The following UBE2W variants were observed in gnomAD, a reference collection of about 807,000 sequenced individuals.
UBE2W encodes ubiquitin conjugating enzyme E2 W.
Under a neutral mutation model 27.2 loss-of-function variants are expected in UBE2W, and 18 were observed. The observed-to-expected ratio is 0.66, with a 90% CI of 0.46 to 0.98. The LOEUF is 0.98. UBE2W is among the 50% of genes least tolerant of loss of function. UBE2W has a pLI of 0.00. For missense variants in UBE2W, 90 were observed against 180.2 expected, an observed-to-expected ratio of 0.50 and a Z score of 2.87; for synonymous variants, 53 against 57.2, an observed-to-expected ratio of 0.93 and a Z score of 0.33.
At chr8:73,868,623 G>A (rs1226181540) in intron 1 of UBE2W, among the ~76,000 whole-genome samples, 1 of 151,560 alleles carries the variant, frequency 6.6e-6, no homozygotes, top group Non-Finnish European at 1.5e-5. Flanking sequence ...GGCCAGTCCT[G>A]TGAGACTGAG....
chr8:73,813,201 C>T (rs1809244428), intron 3 of UBE2W, among the ~76,000 whole-genome samples: 1 of 151,364 alleles, frequency 6.6e-6, no homozygotes, highest in South Asian at 2.1e-4. Context: ...ATGTTTCACC[C>T]AGCCAATTCA....
At chr8:73,794,833 G>A (rs1217247027) in intron 5 of UBE2W, among the ~76,000 whole-genome samples, 4 of 145,232 alleles carry the variant, frequency 2.8e-5, no homozygotes, top group African/African-American at 5.1e-5. Context: ...AACCTGAGAG[G>A]CAGAGGGAGG....
At chr8:73,782,629 A>G (rs1408446646), downstream of UBE2W, among the ~76,000 whole-genome samples, 1 of 152,146 alleles carries the variant, frequency 6.6e-6, no homozygotes, top group African/African-American at 2.4e-5. Flanking sequence ...ATTCCATTGT[A>G]TGGAGAGTTG....
At chr8:73,862,588 A>C (rs1811574681) in intron 1 of UBE2W, among the ~76,000 whole-genome samples, 1 of 144,284 alleles carries the variant, frequency 6.9e-6, no homozygotes, top group Non-Finnish European at 1.5e-5. Context: ...GGATCTAATT[A>C]AACTAAAGAG....
At chr8:73,822,054 G>A (rs182234069) in intron 3 of UBE2W, among the ~76,000 whole-genome samples, 3 of 152,182 alleles carry the variant, frequency 2.0e-5, no homozygotes, top group East Asian at 3.9e-4. Context: ...ACTACAAATC[G>A]TTCTTCAAAT....
At chr8:73,806,724 A>T (rs1374374263) in intron 4 of UBE2W, among the ~76,000 whole-genome samples, 1 of 152,128 alleles carries the variant, frequency 6.6e-6, no homozygotes, top group Non-Finnish European at 1.5e-5. Flanking sequence ...AACAAAACAG[A>T]AAAGTCTACT....
rs1194640740 is a variant in UBE2W, at chr8:73,780,533, AT to A, written c.430-17del. 3.2e-5 allele frequency: 14 copies of A among 440,978 alleles called. No individual in the cohort carries two copies. The African/African-American group carries it at 3.4e-4, about 11-fold the overall frequency. 27.3% of individuals were successfully genotyped at this position (440,978 alleles called of 1,614,324 possible). On this transcript the variant is annotated splice_polypyrimidine_tract_variant and intron_variant, in intron 4 of 4. Transcript: ENST00000523278. The stretch of plus-strand genomic sequence containing the variant: ...GATTTCAGTTCTGAAAAAAAAATTT[AT>A]TTATTTATTTATTTTTTGAGACAGT...
At chr8:73,800,711 G>A (rs1365312677) in intron 5 of UBE2W, among the ~76,000 whole-genome samples, 1 of 152,122 alleles carries the variant, frequency 6.6e-6, no homozygotes, top group Non-Finnish European at 1.5e-5. Flanking sequence ...TGGAGATTAC[G>A]TGTCTCCAAA....
intron 5 of UBE2W, among the ~76,000 whole-genome samples, chr8:73,801,589 T>C (rs1283263989): frequency 6.6e-6 from 1 of 152,228 alleles, no homozygotes; most frequent in East Asian, 1.9e-4. Context: ...ACTATGTTTG[T>C]CAATATTCCT....
At chr8:73,841,694 C>T (rs1057007285) in intron 1 of UBE2W, among the ~76,000 whole-genome samples, 2 of 152,086 alleles carry the variant, frequency 1.3e-5, no homozygotes, top group Admixed American at 6.5e-5. Flanking sequence ...GTATATACCC[C>T]GGATAATTAC....
intron 3 of UBE2W, among the ~76,000 whole-genome samples, chr8:73,818,681 G>A (rs1809489167): frequency 6.6e-6 from 1 of 152,170 alleles, no homozygotes; most frequent in South Asian, 2.1e-4. Flanking sequence ...AGGTGTGTGG[G>A]TCACTCTGGG....
chr8:73,794,730 C>G (rs1797474677), intron 5 of UBE2W, among the ~76,000 whole-genome samples: 1 of 151,870 alleles, frequency 6.6e-6, no homozygotes, highest in African/African-American at 2.4e-5. Flanking sequence ...TGGTGAAACC[C>G]TCCCTCTACT....
chr8:73,821,525 G>A (rs1358933269), intron 3 of UBE2W, among the ~76,000 whole-genome samples: 1 of 140,322 alleles, frequency 7.1e-6, no homozygotes, highest in Non-Finnish European at 1.5e-5. Flanking sequence ...TGTGTGGTGG[G>A]GGGGTGGAGT....
At chr8:73,829,730 T>C (rs1449064361) in intron 2 of UBE2W, among the ~76,000 whole-genome samples, 1 of 152,132 alleles carries the variant, frequency 6.6e-6, no homozygotes, top group Non-Finnish European at 1.5e-5. Flanking sequence ...TTTTGGTCAC[T>C]TTCACTCCCT....
chr8:73,851,194 CTT>C (rs71561537), intron 1 of UBE2W, among the ~76,000 whole-genome samples: 6 of 146,528 alleles, frequency 4.1e-5, no homozygotes, highest in Non-Finnish European at 3.0e-5. Flanking sequence ...GTTTCATTAT[CTT>C]TTTTTTTTTT....
chr8:73,833,671 C>T (rs1810186623), intron 1 of UBE2W: 1 of 152,062 alleles, frequency 6.6e-6, no homozygotes, highest in Non-Finnish European at 1.5e-5. Flanking sequence ...CAAAACAAAA[C>T]AAAACACAGT....
chr8:73,833,633 T>G (rs1451144815), intron 1 of UBE2W: 1 of 151,388 alleles, frequency 6.6e-6, no homozygotes, highest in Non-Finnish European at 1.5e-5. Flanking sequence ...GACATACTTT[T>G]TCAGTGTACA....
chr8:73,796,621 G>A (rs533034928), intron 5 of UBE2W: 28 of 983,656 alleles, frequency 2.8e-5, no homozygotes, highest in African/African-American at 1.6e-4. Context: ...GAATACCCTC[G>A]TTTTGAAGAA....
chr8:73,804,573 A>G (rs935160829), intron 5 of UBE2W, among the ~76,000 whole-genome samples: 16 of 115,240 alleles, frequency 1.4e-4, no homozygotes, highest in African/African-American at 5.4e-4. Context: ...TTTTTAAGGG[A>G]TAATGATTAG....
Sources: gnomAD v4.1 joint callset for allele counts (sites outside exome capture counted in the v4.1 genomes callset) on GRCh38, gnomAD v4.1.1 for gene constraint, MANE v1.5 for transcripts, NCBI Gene and HGNC (gene_info 2026-07-23, HGNC 2026-07-21) for gene names.